Variants in EML3 observed in about 807,000 individuals in gnomAD.
The protein encoded by EML3 is EMAP like 3, also known as echinoderm microtubule-associated protein-like 3.
EML3 carries 53 observed loss-of-function variants against 106.7 expected under a neutral mutation model. The observed-to-expected ratio is 0.50, with a 90% CI of 0.40 to 0.62. EML3 has a LOEUF of 0.62. EML3 is among the 20% of genes least tolerant of loss of function. EML3 has a pLI of 0.00. For missense variants in EML3, 994 were observed against 1,209.1 expected (o/e 0.82, Z 2.64); for synonymous variants, 499 against 489.6 (o/e 1.02, Z -0.25).
intron 9 of EML3, 94 bp downstream of exon 9, chr11:62,608,448 C>T: frequency 1.4e-6 from 2 of 1,431,878 alleles, no homozygotes; most frequent in South Asian, 2.3e-5. Context: ...GGGTGGGGTT[C>T]AGGAAGGCCA....
At chr11:62,612,275 G>A in intron 1 of EML3, 161 bp downstream of exon 1, 2 of 646,156 alleles carry the variant, frequency 3.1e-6, no homozygotes, top group Non-Finnish European at 5.0e-6. Context: ...CAAGACCCAA[G>A]CAACTAGGGA....
chr11:62,607,839 G>T lies in EML3; in HGVS notation c.1207-18C>A, dbSNP rs759127881. On this transcript the variant is annotated intron_variant, in intron 10 of 21. Transcript: ENST00000394773. The stretch of plus-strand genomic sequence containing the variant: ...TTTGTACTCTGAAGGGAAGACACTA[G>T]ATTCAGCCACCCCAAGCCCTGGGTA... 1 of 1,607,368 alleles carries T rather than the reference G, an allele frequency of 6.2e-7. No individual in the cohort carries two copies. Among genetic ancestry groups the T allele is most frequent in the South Asian group, 1.1e-5 (1 of 90,830 alleles).
rs76494335 is a variant in EML3, at chr11:62,608,687, T to C, written c.1000-35A>G. On this transcript the variant is annotated intron_variant, in intron 8 of 21. Transcript: ENST00000394773. ...GAAGAGTCACAAGTGTGAAGCAAAA[T>C]TGGAGTGCAATTCCAGCATGTCTGC... is the stretch of plus-strand genomic sequence containing the variant. The C allele has an allele frequency of 1.8e-3, 2,937 of 1,614,026 alleles. 50 individuals are homozygous for C. In the African/African-American group the frequency reaches 0.036, roughly 20 times the overall value.
Position 62,608,992 on chromosome 11 carries a change from T to G in EML3, c.899A>C (p.His300Pro). Residue 300 changes from histidine (H) to proline (P), a missense_variant, in exon 7 of 22, where the codon CAT becomes CCT. His to Pro is a moderately conservative substitution (Grantham distance 77). Transcript: ENST00000394773. ...PGGPGGGGQRHYRGHTDCVRC... is the reference protein window; with the variant it reads ...PGGPGGGGQRPYRGHTDCVRC... ...AACGCAGTCTGTGTGCCCCCGGTAA[T>G]GTCTCTGGCCGCCACCTCCAGGACC... The G allele has an allele frequency of 6.2e-7, 1 of 1,613,862 alleles. No individual in the cohort carries two copies. The highest frequency in any genetic ancestry group is 8.5e-7 in the Non-Finnish European group (1 of 1,180,004).
chr11:62,603,291 C>T, intron 19 of EML3, 44 bp from the exon 20 acceptor site: 1 of 1,570,740 alleles, frequency 6.4e-7, no homozygotes, highest in Non-Finnish European at 8.7e-7. Flanking sequence ...ACCCTGCCCT[C>T]AGTAGGGAAG....
intron 10 of EML3, 42 bp downstream of exon 10, chr11:62,608,159 C>A: frequency 2.5e-6 from 4 of 1,587,542 alleles, no homozygotes; most frequent in Non-Finnish European, 3.5e-6. Context: ...ACCACTCCCA[C>A]CCCCAACCTC....
At chr11:62,604,831 T>G in intron 16 of EML3, 1 of 274,626 alleles carries the variant, frequency 3.6e-6, no homozygotes, top group Non-Finnish European at 7.0e-6. Context: ...CTTCCCTGTG[T>G]TTGTCTATGC....
rs765893446 is a variant in EML3 at position 62,607,711 on chromosome 11, C to T, written c.1317G>A (p.Gly439=). ...GGGTAAGGGTCCCATTCCCAGGAAC[C>T]CCTACTCCACCACTCCAATTCCAGA... ...VHFWNWSGGV[G]VPGNGTLTRK... The change falls in exon 11 of 22, where the codon GGG becomes GGA. Residue 439 remains glycine, a synonymous_variant. Transcript: ENST00000394773. 7.4e-6 allele frequency: 12 copies of T among 1,613,950 alleles called. No individual in the cohort carries two copies. The African/African-American group carries it at 1.2e-4, about 16-fold the overall frequency.
chr11:62,605,062 C>G lies in EML3; in HGVS notation c.1982+51G>C, dbSNP rs1412771985. On this transcript the variant is annotated intron_variant, in intron 16 of 21. Coordinates refer to ENST00000394773, the MANE Select transcript of EML3 (RefSeq NM_153265.3). The surrounding 1 kb of genome is among the most constrained non-coding windows in gnomAD (Gnocchi z 5.2). Reference sequence around the variant, plus strand: ...CGCCCACTCCCCCAGTACCAGGAACCCTTCCCAGTCCTCCCTGCTTTCCCT... The same window carrying G: ...CGCCCACTCCCCCAGTACCAGGAACGCTTCCCAGTCCTCCCTGCTTTCCCT... 2 of 1,567,420 alleles carry G rather than the reference C, an allele frequency of 1.3e-6. No individual in the cohort carries two copies. Among genetic ancestry groups the G allele is most frequent in the Non-Finnish European group, 1.7e-6 (2 of 1,153,700 alleles).
intron 4 of EML3, among the ~76,000 whole-genome samples, chr11:62,610,506 C>T (rs536311087): frequency 6.6e-6 from 1 of 152,122 alleles, no homozygotes; most frequent in African/African-American, 2.4e-5. Flanking sequence ...CTCTTGGGAT[C>T]GCAGAAGGTG....
In EML3 at chr11:62,612,563, G is replaced by A; in HGVS notation, c.-106C>T. ...GGAAGCACCCCGGGGCGCGCGCGAA[G>A]GGCGCCGTACCACCACCCCGAGGGG... is the stretch of plus-strand genomic sequence containing the variant. On this transcript the variant is annotated 5_prime_UTR_variant, in exon 1 of 22. Coordinates refer to ENST00000394773, the MANE Select transcript of EML3 (RefSeq NM_153265.3). 8.6e-7 allele frequency: 1 copy of A among 1,164,236 alleles called. No homozygotes were observed. The highest frequency in any genetic ancestry group is 1.1e-6 in the Non-Finnish European group (1 of 901,740). 72.1% of individuals were successfully genotyped at this position (1,164,236 alleles called of 1,614,324 possible).
rs1434419500 is a variant in EML3, at chr11:62,602,316, C to A, written c.*159G>T. ...AGCCAGCGGGTCTAAACAGTGTGTG[C>A]AGGGGCGCCGTTCGCGCCCTCCAGG... On this transcript the variant is annotated 3_prime_UTR_variant, in exon 22 of 22. Coordinates refer to ENST00000394773, the MANE Select transcript of EML3 (RefSeq NM_153265.3). 6.4e-7 allele frequency: 1 copy of A among 1,550,992 alleles called. No homozygotes were observed.
chr11:62,608,100 G>C, intron 10 of EML3, 101 bp downstream of exon 10: 2 of 1,204,232 alleles, frequency 1.7e-6, no homozygotes, highest in Admixed American at 3.7e-5. Flanking sequence ...ATGTGACCCA[G>C]CCAAAAAGGA....
chr11:62,609,832 C>T, intron 4 of EML3, 136 bp from the exon 5 acceptor site: 1 of 708,882 alleles, frequency 1.4e-6, no homozygotes, highest in Non-Finnish European at 2.3e-6. Flanking sequence ...TCGTGAGTAT[C>T]AGGGCCCTAG....
chr11:62,605,144 C>T lies in EML3; in HGVS notation c.1951G>A (p.Ala651Thr), dbSNP rs1466318769. Residue 651 changes from alanine to threonine, a missense_variant, in exon 16 of 22, where the codon GCA becomes ACA. This residue lies in a region of EML3 where 713 missense variants were observed against 920.5 expected (regional missense o/e 0.77). Transcript: ENST00000394773. The surrounding 1 kb of genome is among the most constrained non-coding windows in gnomAD (Gnocchi z 5.2). ...GTGTTCAGTCCTACGGCCACAACTG[C>T]CCCACTCGGGTGGAAGTCAGCACAG... ...GLCADFHPSG[A>T]VVAVGLNTGR... The T allele has an allele frequency of 6.2e-7, 1 of 1,613,078 alleles. No individual in the cohort carries two copies. Among genetic ancestry groups the T allele is most frequent in the Non-Finnish European group, 8.5e-7 (1 of 1,179,410 alleles).
rs1355030498 is a variant in EML3, at chr11:62,609,019, C to T, written c.872G>A (p.Gly291Glu). The T allele has an allele frequency of 1.9e-6, 3 of 1,614,076 alleles. No individual in the cohort carries two copies. The highest frequency in any genetic ancestry group is 2.5e-6 in the Non-Finnish European group (3 of 1,180,040). ...TCTCTGGCCGCCACCTCCAGGACCCCCTGGGCCTCCTCCAGGCCGGTACAG... is the reference window on the plus strand; with the variant it reads ...TCTCTGGCCGCCACCTCCAGGACCCTCTGGGCCTCCTCCAGGCCGGTACAG... The part of the protein sequence containing the change: ...VVLYRPGGGP[G>E]GPGGGGQRHY... The change falls in exon 7 of 22, where the codon GGG (glycine) becomes GAG (glutamate). Residue 291 changes from glycine (G) to glutamate (E), a missense_variant. Gly to Glu is a moderately conservative substitution (Grantham distance 98, BLOSUM62 -2). Coordinates refer to ENST00000394773, the MANE Select transcript of EML3 (RefSeq NM_153265.3).
At chr11:62,609,207 T>A in intron 6 of EML3, 75 bp from the exon 7 acceptor site, 1 of 1,596,154 alleles carries the variant, frequency 6.3e-7, no homozygotes. Flanking sequence ...AGACAGAGCT[T>A]CTGGCTGGCA....
intron 4 of EML3, among the ~76,000 whole-genome samples, chr11:62,610,007 G>A (rs1017212511): frequency 1.3e-5 from 2 of 152,220 alleles, no homozygotes; most frequent in Non-Finnish European, 2.9e-5. Flanking sequence ...GCCCAGGCTG[G>A]AGTGCAGTGG....
At chr11:62,603,634 T>A in intron 19 of EML3, 95 bp downstream of exon 19, 1 of 1,062,516 alleles carries the variant, frequency 9.4e-7, no homozygotes. Flanking sequence ...TAACCCCATC[T>A]CCACTTCCTT....
Sources: allele counts gnomAD v4.1 joint callset (sites outside exome capture counted in the v4.1 genomes callset), GRCh38; gene constraint gnomAD v4.1.1; regional missense constraint gnomAD v4.1.1; non-coding constraint Gnocchi (gnomAD v3.1); transcripts MANE v1.5; gene names NCBI Gene and HGNC (gene_info 2026-07-23, HGNC 2026-07-21).